SMYD3: variants seen among roughly 807,000 people sequenced by gnomAD.
SMYD3 encodes SET and MYND domain containing 3, also known as histone-lysine N-methyltransferase SMYD3.
Under a neutral mutation model 57.7 loss-of-function variants are expected in SMYD3, and 36 were observed. That is an observed-to-expected ratio of 0.62 (90% confidence interval 0.48 to 0.82). The LOEUF is 0.82. SMYD3 is among the 40% of genes least tolerant of loss of function. The pLI is 0.00. For synonymous variants in SMYD3, 211 were observed against 195.0 expected (o/e 1.08, Z -0.68); for missense variants, 515 against 538.8 (o/e 0.96, Z 0.44).
At chr1:246,158,910 T>A (rs2062068394) in intron 5 of SMYD3, among the ~76,000 whole-genome samples, 1 of 152,146 alleles carries the variant, frequency 6.6e-6, no homozygotes, top group Admixed American at 6.6e-5. Context: ...AGGTCCTTAT[T>A]CCAATGGAGC....
chr1:246,002,085 C>A (rs1415417106), intron 5 of SMYD3, among the ~76,000 whole-genome samples: 1 of 152,166 alleles, frequency 6.6e-6, no homozygotes, highest in Non-Finnish European at 1.5e-5. Flanking sequence ...ATTTTTGAGA[C>A]ATTGCCAAAT....
At chr1:246,378,840 A>T (rs1318190878) in intron 1 of SMYD3, among the ~76,000 whole-genome samples, 1 of 117,368 alleles carries the variant, frequency 8.5e-6, no homozygotes, top group East Asian at 2.1e-4. Context: ...ATATATAATT[A>T]TATATAATAT....
At chr1:245,944,856 T>C (rs1007582367) in intron 5 of SMYD3, among the ~76,000 whole-genome samples, 1 of 152,150 alleles carries the variant, frequency 6.6e-6, no homozygotes, top group African/African-American at 2.4e-5. Context: ...CACCATCTGA[T>C]CTTCGATAAA....
At chr1:246,425,805 A>G (rs2067209785) in intron 1 of SMYD3, among the ~76,000 whole-genome samples, 1 of 152,196 alleles carries the variant, frequency 6.6e-6, no homozygotes, top group Non-Finnish European at 1.5e-5. Flanking sequence ...CTTTAATGCC[A>G]TCCTTCAGAA....
intron 10 of SMYD3, among the ~76,000 whole-genome samples, chr1:245,855,648 G>C (rs2051202890): frequency 6.6e-6 from 1 of 152,136 alleles, no homozygotes; most frequent in African/African-American, 2.4e-5. Flanking sequence ...TTTGTTGTAT[G>C]TGATTTCTAA....
At position 245,813,771 on chromosome 1, in the gene SMYD3, C is replaced by T. The variant is rs903303318; in HGVS notation, c.1076+44725G>A. On this transcript the variant is annotated intron_variant, in intron 10 of 11. Coordinates refer to ENST00000490107, the MANE Select transcript of SMYD3 (RefSeq NM_001167740.2). The stretch of plus-strand genomic sequence containing the variant: ...AAAAGGGACTAGTGGAGGAGCTGCC[C>T]TCAAGAGAAAGGCAAGATGTTGAGT... Among the ~76,000 whole-genome samples, 70 of 151,836 alleles carry T rather than the reference C, an allele frequency of 4.6e-4. 4 individuals carry two copies.
intron 5 of SMYD3, 188 bp from the exon 6 acceptor site, chr1:245,930,125 A>C: frequency 1.6e-6 from 1 of 628,086 alleles, no homozygotes; most frequent in East Asian, 3.1e-5. Flanking sequence ...CCCTAAAAAC[A>C]TCAGGTGGTT....
At chr1:246,006,771 C>T (rs12732179) in intron 5 of SMYD3, among the ~76,000 whole-genome samples, 66,371 of 151,908 alleles carry the variant, frequency 0.44, 17,667 homozygotes, top group Non-Finnish European at 0.6. Flanking sequence ...GCCCTCCACG[C>T]AGACCCCACA....
At chr1:246,457,901 G>A (rs1323491447) in intron 1 of SMYD3, among the ~76,000 whole-genome samples, 1 of 152,166 alleles carries the variant, frequency 6.6e-6, no homozygotes, top group Non-Finnish European at 1.5e-5. Flanking sequence ...AGTTTTTCTG[G>A]AGGCCCTACT....
At chr1:245,807,477 A>G (rs2048240030) in intron 10 of SMYD3, among the ~76,000 whole-genome samples, 1 of 152,238 alleles carries the variant, frequency 6.6e-6, no homozygotes, top group Admixed American at 6.5e-5. Context: ...CACTGGTGAC[A>G]ACTCAGGACT....
At chr1:246,222,439 A>T (rs12143362) in intron 5 of SMYD3, among the ~76,000 whole-genome samples, 40,399 of 152,046 alleles carry the variant, frequency 0.27, 6,108 homozygotes, top group East Asian at 0.58. Flanking sequence ...AGCTGTGTAA[A>T]CTTAAACAAG....
chr1:246,349,522 G>A (rs376218096), intron 2 of SMYD3, among the ~76,000 whole-genome samples: 2 of 152,062 alleles, frequency 1.3e-5, no homozygotes, highest in Non-Finnish European at 2.9e-5. Flanking sequence ...GAAGGAGGAT[G>A]AGTTGAACTG....
chr1:246,335,542 A>C, intron 2 of SMYD3, 68 bp from the exon 3 acceptor site: 1 of 1,208,874 alleles, frequency 8.3e-7, no homozygotes, highest in Non-Finnish European at 1.2e-6. Flanking sequence ...CTGGTTTTGA[A>C]CATCAAGAGT....
intron 5 of SMYD3, among the ~76,000 whole-genome samples, chr1:246,269,555 T>TTTC (rs771931026): frequency 6.8e-6 from 1 of 147,142 alleles, no homozygotes; most frequent in East Asian, 2.1e-4. Context: ...TTTTTTTTTT[T>TTTC]GTTTTTGTTG....
chr1:246,170,122 C>T (rs2062302861), intron 5 of SMYD3, among the ~76,000 whole-genome samples: 1 of 151,978 alleles, frequency 6.6e-6, no homozygotes, highest in Non-Finnish European at 1.5e-5. Context: ...CATAGTACAA[C>T]TTAAGAAAAA....
At chr1:245,920,218 C>A (rs930785726) in intron 7 of SMYD3, among the ~76,000 whole-genome samples, 1 of 147,192 alleles carries the variant, frequency 6.8e-6, no homozygotes, top group Non-Finnish European at 1.5e-5. Flanking sequence ...GAGGCAGAGG[C>A]AGGAGGATGG....
At chr1:246,154,490 A>G (rs969086611) in intron 5 of SMYD3, among the ~76,000 whole-genome samples, 10 of 152,208 alleles carry the variant, frequency 6.6e-5, no homozygotes, top group Non-Finnish European at 1.3e-4. Flanking sequence ...ATTGAAACCA[A>G]TAGCCCTCCT....
intron 5 of SMYD3, among the ~76,000 whole-genome samples, chr1:246,089,787 A>AC (rs567086867): frequency 6.6e-5 from 10 of 151,984 alleles, no homozygotes; most frequent in South Asian, 4.2e-4. Context: ...GGCTGTTCCT[A>AC]CCCCAAATGC....
intron 5 of SMYD3, among the ~76,000 whole-genome samples, chr1:246,255,767 G>A (rs1414982310): frequency 1.1e-5 from 1 of 91,084 alleles, no homozygotes; most frequent in African/African-American, 4.6e-5. Context: ...CCATTTGTCT[G>A]GGGCATTTTT....
Sources: allele counts gnomAD v4.1 joint callset (sites outside exome capture counted in the v4.1 genomes callset), GRCh38; gene constraint gnomAD v4.1.1; transcripts MANE v1.5; gene names NCBI Gene and HGNC (gene_info 2026-07-23, HGNC 2026-07-21).